KLB: variants seen among roughly 807,000 people sequenced by gnomAD.
KLB encodes the protein klotho beta, also known as beta-klotho.
In KLB, 44 loss-of-function variants were observed where a neutral mutation model predicts 88.4. That is an observed-to-expected ratio of 0.50 (90% CI 0.39 to 0.64). The LOEUF (loss-of-function observed/expected upper bound fraction) is 0.64, where lower values mean the gene tolerates loss of function less well. Ranked by LOEUF, KLB falls within the 30% of genes least tolerant of loss-of-function variation. The pLI is 0.00. For synonymous variants in KLB, 548 were observed against 513.4 expected (o/e 1.07, Z -0.91); for missense variants, 1,137 against 1,304.8 (o/e 0.87, Z 1.98).
intron 1 of KLB, among the ~76,000 whole-genome samples, chr4:39,410,029 C>CGCTA (rs1433100267): frequency 6.6e-6 from 1 of 152,168 alleles, no homozygotes; most frequent in African/African-American, 2.4e-5. Context: ...AGGCCAAGGA[C>CGCTA]GCTACTGTTA....
intron 1 of KLB, among the ~76,000 whole-genome samples, chr4:39,420,745 G>T (rs1223474002): frequency 6.6e-6 from 1 of 151,990 alleles, no homozygotes; most frequent in Non-Finnish European, 1.5e-5. Context: ...TGAACTCCTG[G>T]GTTCAAATGA....
rs185034595 is a variant in KLB at position 39,436,104 on chromosome 4, C to T, written c.1336+1384C>T. Reference sequence around the variant, plus strand: ...ATCTACAGGTGGCTGATAGAAACAACGGAGCAGAAGACAAGCTGAGGTTAC... The same window carrying T: ...ATCTACAGGTGGCTGATAGAAACAATGGAGCAGAAGACAAGCTGAGGTTAC... On this transcript the variant is annotated intron_variant, in intron 2 of 4. Transcript: ENST00000257408. 9.2e-5 allele frequency among the ~76,000 whole-genome samples: 14 copies of T among 152,300 alleles called. No individual in the cohort carries two copies. The South Asian group carries it at 1.9e-3, about 20-fold the overall frequency.
intron 3 of KLB, among the ~76,000 whole-genome samples, chr4:39,445,702 A>G (rs866724366): frequency 1.8e-5 from 2 of 108,116 alleles, no homozygotes; most frequent in African/African-American, 3.7e-5. Context: ...TTTTTTTTTT[A>G]GTAGAGACGG....
chr4:39,447,222 G>T lies in KLB; in HGVS notation c.2496G>T (p.Met832Ile). The change falls in exon 4 of 5, where the codon ATG becomes ATT. Residue 832 changes from methionine (M) to isoleucine (I), a missense_variant. Physicochemically the swap from Met to Ile is conservative, Grantham distance 10. This residue lies in a region of KLB where 426 missense variants were observed against 404.6 expected (regional missense o/e 1.05). Coordinates refer to ENST00000257408, the MANE Select transcript of KLB (RefSeq NM_175737.4). ...ALNHFTTRFV[M>I]HEQLAGSRYD... ...ACCACTTCACCACTAGGTTCGTGAT[G>T]CACGAGCAGCTGGCCGGCAGCCGCT... The T allele has an allele frequency of 6.2e-7, 1 of 1,614,060 alleles. No individual in the cohort carries two copies. The highest frequency in any genetic ancestry group is 8.5e-7 in the Non-Finnish European group (1 of 1,180,038).
intron 1 of KLB, among the ~76,000 whole-genome samples, chr4:39,425,683 C>G (rs1743191337): frequency 6.6e-6 from 1 of 152,182 alleles, no homozygotes. Context: ...CTCAAGCAAT[C>G]CATCCTCCTT....
intron 1 of KLB, among the ~76,000 whole-genome samples, chr4:39,413,373 A>G (rs11940694): frequency 0.57 from 86,299 of 151,958 alleles, 24,948 homozygotes; most frequent in Non-Finnish European, 0.6. Context: ...GGGAAGGTGA[A>G]TTTGCTCATG....
At chr4:39,421,136 A>G (rs1216980955) in intron 1 of KLB, among the ~76,000 whole-genome samples, 1 of 152,174 alleles carries the variant, frequency 6.6e-6, no homozygotes, top group Non-Finnish European at 1.5e-5. Context: ...GTTAGACACC[A>G]TAGATCATCT....
At chr4:39,433,205 T>C (rs1743399760) in intron 1 of KLB, among the ~76,000 whole-genome samples, 1 of 152,108 alleles carries the variant, frequency 6.6e-6, no homozygotes, top group African/African-American at 2.4e-5. Context: ...AACCTCATTC[T>C]ACAACTGAGG....
chr4:39,425,538 T>C (rs1014949950), intron 1 of KLB, among the ~76,000 whole-genome samples: 2 of 152,202 alleles, frequency 1.3e-5, no homozygotes, highest in African/African-American at 4.8e-5. Flanking sequence ...CCTGCTGGAC[T>C]CAAGTGATCC....
Position 39,448,474 on chromosome 4 carries a change from A to G in KLB, c.2923A>G (p.Arg975Gly), listed in dbSNP as rs753758227. ...CTTCCCTTTTGAGAACAGTAGTTCT[A>G]GATGCAGTCAGACCCAAGAAAATAC... ...RGFPFENSSS[R>G]CSQTQENTEC... The change falls in exon 5 of 5, where the codon AGA (arginine) becomes GGA (glycine). Residue 975 changes from arginine (R) to glycine (G), a missense_variant. By Grantham distance (125) the Arg-to-Gly change is moderately radical. Around this residue, in one of 4 missense-constraint regions of KLB, gnomAD observed 426 missense variants for 404.6 expected, o/e 1.05. Transcript: ENST00000257408. The G allele has an allele frequency of 5.0e-6, 8 of 1,613,916 alleles. No homozygotes were observed. The African/African-American group carries it at 9.3e-5, about 19-fold the overall frequency.
chr4:39,448,562 T>G lies in KLB; in HGVS notation c.3011T>G (p.Phe1004Cys), dbSNP rs753652744. The change falls in exon 5 of 5, where the codon TTC becomes TGC. Residue 1004 changes from phenylalanine (F) to cysteine (C), a missense_variant. Around this residue, in one of 4 missense-constraint regions of KLB, gnomAD observed 426 missense variants for 404.6 expected, o/e 1.05. Transcript: ENST00000257408. ...KKPLIFLGCC[F>C]FSTLVLLLSI... The stretch of plus-strand genomic sequence containing the variant: ...CCACTGATATTCCTGGGTTGTTGCT[T>G]CTTCTCCACCCTGGTTCTACTCTTA... 5 of 1,614,116 alleles carry G rather than the reference T, an allele frequency of 3.1e-6. No homozygotes were observed. The South Asian group carries it at 3.3e-5, about 11-fold the overall frequency.
intron 1 of KLB, among the ~76,000 whole-genome samples, chr4:39,423,831 T>C (rs1247021348): frequency 6.6e-6 from 1 of 151,336 alleles, no homozygotes; most frequent in Non-Finnish European, 1.5e-5. Flanking sequence ...TTTACAATAG[T>C]GGGGAAGGAT....
Position 39,407,594 on chromosome 4 carries a change from AGAT to A in KLB, c.646_648del (p.Asp216del), listed in dbSNP as rs1198170557. ...GGGGGTGGAAAAATGATACCATAAT[AGAT>A]ATCTTCAATGACTATGCCACATACT... On this transcript the variant is annotated inframe_deletion, in exon 1 of 5. Coordinates refer to ENST00000257408, the MANE Select transcript of KLB (RefSeq NM_175737.4). The A allele has an allele frequency of 2.5e-6, 4 of 1,614,070 alleles. No individual in the cohort carries two copies. In the African/African-American group the frequency reaches 5.3e-5, roughly 22 times the overall value.
At chr4:39,415,159 C>T (rs986902372) in intron 1 of KLB, among the ~76,000 whole-genome samples, 2 of 151,998 alleles carry the variant, frequency 1.3e-5, no homozygotes, top group African/African-American at 2.4e-5. Flanking sequence ...GTGATAGACC[C>T]GCCTCGGCCT....
Position 39,448,752 on chromosome 4 carries a change from G to A in KLB, c.*66G>A, listed in dbSNP as rs907283573. 1.4e-6 allele frequency: 2 copies of A among 1,427,878 alleles called. No homozygotes were observed. Among genetic ancestry groups the A allele is most frequent in the Non-Finnish European group, 1.9e-6 (2 of 1,051,194 alleles). The allele number at this position is 1,427,878 out of a possible 1,614,324, so 88.5% of individuals were successfully genotyped here. A position where few individuals can be genotyped will look rare whatever the true frequency, so the allele number is the denominator to read the frequency against. Reference sequence around the variant, plus strand: ...CAGTTCCATATGCTGGTAACTTACAGGAGATATACCTGTATTATAGAAAGA... The same window carrying A: ...CAGTTCCATATGCTGGTAACTTACAAGAGATATACCTGTATTATAGAAAGA... On this transcript the variant is annotated 3_prime_UTR_variant, in exon 5 of 5. Transcript: ENST00000257408.
chr4:39,447,881 T>C (rs34093639), intron 4 of KLB, among the ~76,000 whole-genome samples: 3,071 of 152,212 alleles, frequency 0.02, 51 homozygotes, highest in Non-Finnish European at 0.033. Context: ...CACATCATGG[T>C]AGCTTAAGCG....
At chr4:39,425,017 T>C (rs1743174673) in intron 1 of KLB, among the ~76,000 whole-genome samples, 1 of 152,206 alleles carries the variant, frequency 6.6e-6, no homozygotes, top group African/African-American at 2.4e-5. Flanking sequence ...TAGCTTCAGT[T>C]ATACCATGAG....
chr4:39,409,843 G>C (rs1578199303), intron 1 of KLB, among the ~76,000 whole-genome samples: 1 of 152,028 alleles, frequency 6.6e-6, no homozygotes, highest in Non-Finnish European at 1.5e-5. Context: ...AGAATCCCTT[G>C]AACCCGGGAG....
chr4:39,426,749 A>G (rs1743227658), intron 1 of KLB, among the ~76,000 whole-genome samples: 1 of 151,634 alleles, frequency 6.6e-6, no homozygotes, highest in African/African-American at 2.4e-5. Context: ...GTGCAGTGGC[A>G]TGATCATAGC....
Sources: gnomAD v4.1 joint callset for allele counts (sites outside exome capture counted in the v4.1 genomes callset) on GRCh38, gnomAD v4.1.1 for gene constraint, gnomAD v4.1.1 regional missense constraint, MANE v1.5 for transcripts, NCBI Gene and HGNC (gene_info 2026-07-23, HGNC 2026-07-21) for gene names.